The following ADAMTSL1 variants were observed in gnomAD, a reference collection of about 807,000 sequenced individuals.
ADAMTSL1 encodes ADAMTS like 1.
ADAMTSL1 carries 126 observed loss-of-function variants against 201.8 expected under a neutral mutation model. That is an observed-to-expected ratio of 0.62 (90% CI 0.54 to 0.72). The LOEUF (loss-of-function observed/expected upper bound fraction) is 0.72, where lower values mean the gene tolerates loss of function less well. ADAMTSL1 is among the 30% of genes least tolerant of loss of function. The pLI, the probability that ADAMTSL1 is intolerant of heterozygous loss-of-function variation, is 0.00. For synonymous variants in ADAMTSL1, 1,121 were observed against 903.4 expected, an observed-to-expected ratio of 1.24 and a Z score of -4.32; for missense variants, 2,679 against 2,277.8, an observed-to-expected ratio of 1.18 and a Z score of -3.59.
intron 14 of ADAMTSL1, among the ~76,000 whole-genome samples, chr9:18,720,963 C>T (rs1833317600): frequency 6.6e-6 from 1 of 152,118 alleles, no homozygotes; most frequent in African/African-American, 2.4e-5. Context: ...GCATCTTATT[C>T]TCCTTCTTTG....
chr9:18,717,575 G>C (rs574314), intron 14 of ADAMTSL1, among the ~76,000 whole-genome samples: 151,781 of 152,328 alleles, frequency 1, 75,620 homozygotes, highest in Middle Eastern at 1. Flanking sequence ...TTTGGACTTT[G>C]TTTTATTATG....
intron 2 of ADAMTSL1, among the ~76,000 whole-genome samples, chr9:18,524,673 GC>G (rs1318498153): frequency 6.6e-6 from 1 of 152,200 alleles, no homozygotes; most frequent in Admixed American, 6.6e-5. Flanking sequence ...TTTATTGAAG[GC>G]CTTTTCTGCA....
At chr9:18,240,918 T>G (rs7041774) in intron 2 of ADAMTSL1, among the ~76,000 whole-genome samples, 48,060 of 152,034 alleles carry the variant, frequency 0.32, 7,806 homozygotes, top group Admixed American at 0.39. Flanking sequence ...ATTTCTCTTC[T>G]GCAGCTTCCT....
At chr9:18,542,949 G>C (rs982880197) in intron 3 of ADAMTSL1, among the ~76,000 whole-genome samples, 7 of 152,274 alleles carry the variant, frequency 4.6e-5, no homozygotes, top group Admixed American at 3.9e-4. Flanking sequence ...GAGAATGTTA[G>C]ACCTCATTTC....
chr9:18,204,594 G>C (rs113276608), intron 2 of ADAMTSL1, among the ~76,000 whole-genome samples: 2,476 of 152,214 alleles, frequency 0.016, 71 homozygotes, highest in African/African-American at 0.055. Flanking sequence ...CATGTTTATT[G>C]ACACAGGTTG....
At chr9:18,438,085 T>G (rs991010353) in intron 2 of ADAMTSL1, among the ~76,000 whole-genome samples, 4 of 152,132 alleles carry the variant, frequency 2.6e-5, no homozygotes, top group African/African-American at 9.7e-5. Flanking sequence ...GGTGGTATGC[T>G]GGGTTTTGTT....
intron 2 of ADAMTSL1, among the ~76,000 whole-genome samples, chr9:18,192,206 A>G (rs1276178416): frequency 5.8e-4 from 88 of 152,292 alleles, no homozygotes; most frequent in Non-Finnish European, 8.8e-5. Context: ...CTATGCTTCA[A>G]TAAATCAATA....
chr9:18,563,497 C>A (rs1414030292), intron 3 of ADAMTSL1, among the ~76,000 whole-genome samples: 2 of 152,196 alleles, frequency 1.3e-5, no homozygotes, highest in Non-Finnish European at 1.5e-5. Context: ...GGTTAGGGAC[C>A]CACTTCACGA....
chr9:18,593,789 GT>G (rs57398513), intron 4 of ADAMTSL1, among the ~76,000 whole-genome samples: 15,672 of 150,536 alleles, frequency 0.1, 945 homozygotes, highest in African/African-American at 0.17. Context: ...ATTATTTCAG[GT>G]TTTTTTTTAA....
At chr9:18,034,900 T>A (rs1018868845) in intron 1 of ADAMTSL1, among the ~76,000 whole-genome samples, 1 of 152,202 alleles carries the variant, frequency 6.6e-6, no homozygotes, top group African/African-American at 2.4e-5. Flanking sequence ...CTAACAAATA[T>A]ATTTTAAACT....
intron 15 of ADAMTSL1, among the ~76,000 whole-genome samples, chr9:18,733,633 C>CCA (rs1024545495): frequency 1.6e-4 from 23 of 145,800 alleles, no homozygotes; most frequent in Middle Eastern, 7.1e-3. Flanking sequence ...ACCACTCCCC[C>CCA]CACACACACA....
At chr9:18,157,113 C>T (rs1206925701) in intron 1 of ADAMTSL1, among the ~76,000 whole-genome samples, 1 of 151,992 alleles carries the variant, frequency 6.6e-6, no homozygotes, top group African/African-American at 2.4e-5. Context: ...GTCTTCTCAG[C>T]ATTTTCATTT....
intron 2 of ADAMTSL1, among the ~76,000 whole-genome samples, chr9:18,366,710 C>A (rs1836785687): frequency 7.1e-6 from 1 of 139,920 alleles, no homozygotes; most frequent in South Asian, 2.3e-4. Context: ...AGTGCAGTGG[C>A]ACCATCTCAG....
intron 13 of ADAMTSL1, among the ~76,000 whole-genome samples, chr9:18,689,273 G>A (rs2133230125): frequency 6.6e-6 from 1 of 152,236 alleles, no homozygotes; most frequent in Middle Eastern, 3.4e-3. Context: ...CACCTGACAT[G>A]TATCACCCAC....
At chr9:18,457,629 C>T (rs919444494) in intron 2 of ADAMTSL1, among the ~76,000 whole-genome samples, 8 of 152,140 alleles carry the variant, frequency 5.3e-5, no homozygotes, top group Admixed American at 1.3e-4. Context: ...CCTCTGCACC[C>T]GACCAGAAGA....
In ADAMTSL1 at chr9:18,905,855, T is replaced by C. The variant is rs1188040653; in HGVS notation, c.4925T>C (p.Ile1642Thr). ...GTCTTCTGCCAGACACGGGATGGCA[T>C]CACCTTACCATCAGAGCAGTGCAGT... ...RQVFCQTRDGITLPSEQCSAL... is the reference protein window; with the variant it reads ...RQVFCQTRDGTTLPSEQCSAL... Residue 1642 changes from isoleucine to threonine, a missense_variant, in exon 27 of 29, where the codon ATC (isoleucine) becomes ACC (threonine). Ile to Thr is a moderately conservative substitution (Grantham distance 89). Transcript: ENST00000380548. 6.2e-7 allele frequency: 1 copy of C among 1,613,306 alleles called. No individual in the cohort carries two copies. The highest frequency in any genetic ancestry group is 8.5e-7 in the Non-Finnish European group (1 of 1,179,702).
chr9:18,256,291 A>T (rs907264944), intron 2 of ADAMTSL1, among the ~76,000 whole-genome samples: 4 of 152,182 alleles, frequency 2.6e-5, no homozygotes, highest in African/African-American at 9.7e-5. Context: ...AAGCATGAGA[A>T]GTTTGACAAA....
chr9:18,051,546 C>CT (rs200097532), intron 1 of ADAMTSL1, among the ~76,000 whole-genome samples: 1,946 of 140,788 alleles, frequency 0.014, 20 homozygotes, highest in African/African-American at 0.033. Flanking sequence ...CTTTTTAAAA[C>CT]TTTTTTTTTT....
intron 2 of ADAMTSL1, among the ~76,000 whole-genome samples, chr9:18,417,276 T>A (rs1195570257): frequency 7.0e-6 from 1 of 142,518 alleles, no homozygotes; most frequent in Non-Finnish European, 1.5e-5. Flanking sequence ...TTTCTGTTAG[T>A]AAAGAAAAAA....
Sources: gnomAD v4.1 joint callset for allele counts (sites outside exome capture counted in the v4.1 genomes callset) on GRCh38, gnomAD v4.1.1 for gene constraint, MANE v1.5 for transcripts, NCBI Gene and HGNC (gene_info 2026-07-23, HGNC 2026-07-21) for gene names.